CHODL: variants seen among roughly 807,000 people sequenced by gnomAD.
The protein encoded by CHODL is chondrolectin.
Under a neutral mutation model 34.5 loss-of-function variants are expected in CHODL, and 29 were observed. That is an observed-to-expected ratio of 0.84 (90% CI 0.63 to 1.15). The LOEUF is 1.15. Among genes scored for constraint, CHODL ranks in the 50% most tolerant of loss-of-function variants. The probability of loss-of-function intolerance (pLI) is 0.00; values close to 1 mark genes in which losing one functional copy is unlikely to be tolerated. For missense variants in CHODL, 332 were observed against 332.5 expected (o/e 1.00, Z 0.01); for synonymous variants, 125 against 116.1 (o/e 1.08, Z -0.49).
intron 1 of CHODL, among the ~76,000 whole-genome samples, chr21:17,995,539 T>G (rs2063840836): frequency 6.6e-6 from 1 of 152,218 alleles, no homozygotes; most frequent in Non-Finnish European, 1.5e-5. Context: ...CATGTGGTTA[T>G]CTACTTGCTG....
At chr21:17,960,984 A>G (rs529335159) in intron 1 of CHODL, among the ~76,000 whole-genome samples, 1 of 152,214 alleles carries the variant, frequency 6.6e-6, no homozygotes, top group Non-Finnish European at 1.5e-5. Flanking sequence ...CTTTATTTCA[A>G]TAACATTCAA....
Position 18,261,385 on chromosome 21 carries a change from G to T in CHODL, c.634+1099G>T, listed in dbSNP as rs2074380947. Among the ~76,000 whole-genome samples, 3 of 151,222 alleles carry T rather than the reference G, an allele frequency of 2.0e-5. No individual in the cohort carries two copies. The South Asian group carries it at 6.2e-4, about 31-fold the overall frequency. On this transcript the variant is annotated intron_variant, in intron 4 of 5. Transcript: ENST00000299295. ...TAAAAAAAAAAAAAAAGATCAGTAG[G>T]CTGGGCGCAGTGGCTCACACCTGTA...
At chr21:18,039,553 T>C (rs763217693) in intron 2 of CHODL, among the ~76,000 whole-genome samples, 28 of 151,772 alleles carry the variant, frequency 1.8e-4, no homozygotes, top group Admixed American at 3.3e-4. Flanking sequence ...TATATTGTTT[T>C]CTATATTCTA....
intron 2 of CHODL, among the ~76,000 whole-genome samples, chr21:18,036,856 T>G (rs112492490): frequency 0.042 from 6,323 of 152,110 alleles, 179 homozygotes; most frequent in Middle Eastern, 0.11. Context: ...GTTCTTTCTA[T>G]TGTAAAGATT....
At chr21:17,926,454 AT>A (rs1013274539) in intron 1 of CHODL, among the ~76,000 whole-genome samples, 1 of 150,170 alleles carries the variant, frequency 6.7e-6, no homozygotes, top group African/African-American at 2.5e-5. Context: ...TGGATAGTTT[AT>A]AAAGGAAAGA....
At chr21:17,970,106 T>G (rs1385720844) in intron 1 of CHODL, among the ~76,000 whole-genome samples, 1 of 152,168 alleles carries the variant, frequency 6.6e-6, no homozygotes, top group African/African-American at 2.4e-5. Context: ...TGGACCGATA[T>G]TAGTAACCAA....
intron 2 of CHODL, among the ~76,000 whole-genome samples, chr21:18,138,602 G>A (rs2072765750): frequency 6.6e-6 from 1 of 152,148 alleles, no homozygotes; most frequent in Admixed American, 6.6e-5. Context: ...TGGATGCATT[G>A]CCTTGTAGAT....
intron 2 of CHODL, among the ~76,000 whole-genome samples, chr21:18,173,115 C>A (rs1481739727): frequency 6.6e-6 from 1 of 152,070 alleles, no homozygotes; most frequent in African/African-American, 2.4e-5. Flanking sequence ...ACCTCTATAC[C>A]CTTTGTTAAA....
At chr21:18,189,187 C>T (rs544637481) in intron 2 of CHODL, among the ~76,000 whole-genome samples, 5 of 152,142 alleles carry the variant, frequency 3.3e-5, no homozygotes, top group Admixed American at 1.3e-4. Flanking sequence ...ACAATTTTCA[C>T]ACATGACTAA....
At chr21:18,186,083 C>A (rs1457211152) in intron 2 of CHODL, among the ~76,000 whole-genome samples, 2 of 152,152 alleles carry the variant, frequency 1.3e-5, no homozygotes, top group Non-Finnish European at 2.9e-5. Flanking sequence ...ATGTTTGTAA[C>A]TAAAGGTTGA....
chr21:17,993,234 A>G (rs1301486894), intron 1 of CHODL, among the ~76,000 whole-genome samples: 1 of 151,996 alleles, frequency 6.6e-6, no homozygotes, highest in African/African-American at 2.4e-5. Flanking sequence ...TTTAAATTTT[A>G]AGTTCAGGGA....
intron 1 of CHODL, among the ~76,000 whole-genome samples, chr21:18,020,575 C>T (rs1466580989): frequency 6.6e-6 from 1 of 152,046 alleles, no homozygotes; most frequent in Non-Finnish European, 1.5e-5. Flanking sequence ...AAATTTACAC[C>T]TTTTATTCTT....
intron 2 of CHODL, among the ~76,000 whole-genome samples, chr21:18,230,033 A>T (rs1041768945): frequency 6.6e-6 from 1 of 152,050 alleles, no homozygotes; most frequent in Non-Finnish European, 1.5e-5. Flanking sequence ...GAAAAAGTAA[A>T]TTTTTTTGCG....
At chr21:17,944,871 CAT>C (rs1021520106) in intron 1 of CHODL, among the ~76,000 whole-genome samples, 2 of 152,160 alleles carry the variant, frequency 1.3e-5, no homozygotes, top group Non-Finnish European at 2.9e-5. Context: ...CAGACAACAA[CAT>C]AAGGGAACAA....
intron 2 of CHODL, among the ~76,000 whole-genome samples, chr21:18,212,250 T>C (rs1207175560): frequency 6.6e-6 from 1 of 152,164 alleles, no homozygotes; most frequent in African/African-American, 2.4e-5. Context: ...AATATCATAG[T>C]TAATAGCAAT....
intron 2 of CHODL, among the ~76,000 whole-genome samples, chr21:18,147,579 T>G (rs933819430): frequency 1.3e-5 from 2 of 152,276 alleles, no homozygotes; most frequent in Non-Finnish European, 2.9e-5. Flanking sequence ...ATATAAATTG[T>G]GGAAGATAAT....
chr21:18,075,925 C>T (rs183860826), intron 2 of CHODL, among the ~76,000 whole-genome samples: 42 of 152,240 alleles, frequency 2.8e-4, no homozygotes, highest in African/African-American at 9.9e-4. Context: ...TTTCTACCAC[C>T]CGAGGACACA....
intron 2 of CHODL, among the ~76,000 whole-genome samples, chr21:18,118,900 T>C (rs1186752474): frequency 1.3e-5 from 2 of 152,200 alleles, no homozygotes; most frequent in Admixed American, 1.3e-4. Context: ...CATTTTTCAC[T>C]TCAAACTTCT....
chr21:17,988,393 TC>T (rs1435737975), intron 1 of CHODL, among the ~76,000 whole-genome samples: 30 of 106,816 alleles, frequency 2.8e-4, no homozygotes, highest in African/African-American at 9.7e-4. Context: ...TTCCCTTTTT[TC>T]CTTTTTTTTT....
Sources: allele counts gnomAD v4.1 joint callset (sites outside exome capture counted in the v4.1 genomes callset), GRCh38; gene constraint gnomAD v4.1.1; transcripts MANE v1.5; gene names NCBI Gene and HGNC (gene_info 2026-07-23, HGNC 2026-07-21).